The following FABP7 variants were observed in gnomAD, a reference collection of about 807,000 sequenced individuals.
FABP7 encodes the protein fatty acid-binding protein, brain.
FABP7 carries 13 observed loss-of-function variants against 14.2 expected under a neutral mutation model. That is an observed-to-expected ratio of 0.91 (90% CI 0.59 to 1.45). The LOEUF is 1.45. Ranked by LOEUF, FABP7 falls within the 40% of genes most tolerant of loss-of-function variation. The pLI is 0.00. For missense variants in FABP7, 149 were observed against 157.6 expected (o/e 0.95, Z 0.29); for synonymous variants, 49 against 51.4 (o/e 0.95, Z 0.20).
the FABP7 span, among the ~76,000 whole-genome samples, chr6:122,760,581 A>G: frequency 6.7e-6 from 1 of 149,952 alleles, no homozygotes; most frequent in Non-Finnish European, 1.5e-5. Flanking sequence ...GATTAATTGA[A>G]TTTTCTTTAG....
At chr6:122,762,750 GACAA>G in the FABP7 span, among the ~76,000 whole-genome samples, 21 of 147,602 alleles carry the variant, frequency 1.4e-4, no homozygotes, top group East Asian at 3.3e-3. Context: ...ACAAATAACA[GACAA>G]ACAGAGAGCC....
the FABP7 span, among the ~76,000 whole-genome samples, chr6:122,769,069 T>A: frequency 6.6e-6 from 1 of 152,280 alleles, no homozygotes; most frequent in East Asian, 1.9e-4. Flanking sequence ...GTTCCACATC[T>A]ACCTGTCATA....
the FABP7 span, among the ~76,000 whole-genome samples, chr6:122,764,390 G>A: frequency 2.6e-5 from 4 of 152,064 alleles, no homozygotes; most frequent in Admixed American, 1.3e-4. Flanking sequence ...GCCTGTCATG[G>A]GGTGGGGGGA....
chr6:122,762,573 T>A, the FABP7 span, among the ~76,000 whole-genome samples: 1 of 152,142 alleles, frequency 6.6e-6, no homozygotes, highest in Non-Finnish European at 1.5e-5. Context: ...ATAAAGGGTA[T>A]TCAGTTAGGA....
chr6:122,773,802 G>A, the FABP7 span, among the ~76,000 whole-genome samples: 2 of 151,990 alleles, frequency 1.3e-5, no homozygotes, highest in South Asian at 2.1e-4. Flanking sequence ...TGTAAAGCAA[G>A]GCCAGGAGAT....
At chr6:122,762,360 T>G in the FABP7 span, among the ~76,000 whole-genome samples, 2 of 152,158 alleles carry the variant, frequency 1.3e-5, no homozygotes, top group Non-Finnish European at 2.9e-5. Flanking sequence ...CTAAAAACTC[T>G]CAATGAACTA....
At chr6:122,758,182 T>A in the FABP7 span, among the ~76,000 whole-genome samples, 72,203 of 149,668 alleles carry the variant, frequency 0.48, 19,271 homozygotes, top group Non-Finnish European at 0.62. Flanking sequence ...ATCTTGGCTC[T>A]ATGCAAACTC....
chr6:122,762,122 A>G, the FABP7 span, among the ~76,000 whole-genome samples: 1 of 152,198 alleles, frequency 6.6e-6, no homozygotes, highest in Non-Finnish European at 1.5e-5. Flanking sequence ...CCTGATGAAC[A>G]CTGATGCAAA....
the FABP7 span, among the ~76,000 whole-genome samples, chr6:122,760,565 C>T: frequency 2.0e-5 from 3 of 149,954 alleles, no homozygotes; most frequent in African/African-American, 4.9e-5. Flanking sequence ...TTCCTGCCTT[C>T]TTTTAGATTA....
chr6:122,751,370 C>T, the FABP7 span, among the ~76,000 whole-genome samples: 1 of 152,158 alleles, frequency 6.6e-6, no homozygotes. Flanking sequence ...CCTGTTGTCC[C>T]TATATTGCAG....
the FABP7 span, among the ~76,000 whole-genome samples, chr6:122,773,924 T>A: frequency 6.6e-6 from 1 of 152,132 alleles, no homozygotes; most frequent in South Asian, 2.1e-4. Flanking sequence ...AATGAATTCT[T>A]TACCATTAGT....
the FABP7 span, among the ~76,000 whole-genome samples, chr6:122,766,730 A>G: frequency 1.3e-5 from 2 of 152,140 alleles, no homozygotes; most frequent in Non-Finnish European, 2.9e-5. Flanking sequence ...AAAAATCAAG[A>G]ATGAGACAAC....
At chr6:122,749,797 G>C in the FABP7 span, among the ~76,000 whole-genome samples, 2 of 152,200 alleles carry the variant, frequency 1.3e-5, no homozygotes, top group African/African-American at 4.8e-5. Context: ...TCACAGACAA[G>C]AAGAAGGCAG....
intron 3 of FABP7, chr6:122,782,321 T>C: frequency 1.7e-6 from 1 of 590,450 alleles, no homozygotes; most frequent in Non-Finnish European, 2.1e-6. Flanking sequence ...AAGGCGACCC[T>C]AGTGTTGCCA....
In FABP7 at chr6:122,783,790, G is replaced by T. The variant is rs1223155775; in HGVS notation, c.*23G>T. On this transcript the variant is annotated 3_prime_UTR_variant, in exon 4 of 4. Coordinates refer to ENST00000368444, the MANE Select transcript of FABP7 (RefSeq NM_001446.5). ...TAAAAATGTTCCTGGTCGGGGCTTG[G>T]AAGAGCTCTTCAGTTTTTCTGTTTC... 3.2e-6 allele frequency: 5 copies of T among 1,586,980 alleles called. No individual in the cohort carries two copies. The highest frequency in any genetic ancestry group is 4.3e-6 in the Non-Finnish European group (5 of 1,161,400).
the FABP7 span, among the ~76,000 whole-genome samples, chr6:122,770,432 C>A: frequency 6.6e-6 from 1 of 152,080 alleles, no homozygotes; most frequent in African/African-American, 2.4e-5. Flanking sequence ...TTTCCACGAT[C>A]ATCAGTAGGG....
chr6:122,758,622 A>C, the FABP7 span, among the ~76,000 whole-genome samples: 1 of 152,216 alleles, frequency 6.6e-6, no homozygotes, highest in Non-Finnish European at 1.5e-5. Context: ...ATGTGAATTT[A>C]TGTCCATTGT....
upstream of FABP7, among the ~76,000 whole-genome samples, chr6:122,777,687 A>G (rs1780697974): frequency 6.6e-6 from 1 of 151,946 alleles, no homozygotes; most frequent in South Asian, 2.1e-4. Flanking sequence ...GACTCTACTA[A>G]AAGTACAAAA....
chr6:122,767,644 C>A, the FABP7 span, among the ~76,000 whole-genome samples: 4 of 151,514 alleles, frequency 2.6e-5, no homozygotes, highest in African/African-American at 9.7e-5. Flanking sequence ...GGCATAGTGG[C>A]TAATGCCTGT....
Sources: allele counts gnomAD v4.1 joint callset (sites outside exome capture counted in the v4.1 genomes callset), GRCh38; gene constraint gnomAD v4.1.1; transcripts MANE v1.5; gene names NCBI Gene and HGNC (gene_info 2026-07-23, HGNC 2026-07-21).